The following VCPIP1 variants were observed in gnomAD, a reference collection of about 807,000 sequenced individuals.
VCPIP1 encodes valosin containing protein interacting protein 1, also known as deubiquitinating protein VCPIP1.
Under a neutral mutation model 85.0 loss-of-function variants are expected in VCPIP1, and 8 were observed. The ratio of observed to expected loss-of-function variants is 0.09; its 90% CI spans 0.06 to 0.17. VCPIP1 has a LOEUF of 0.17. VCPIP1 is among the 10% of genes least tolerant of loss of function. The pLI is 1.00. For synonymous variants in VCPIP1, 543 were observed against 544.5 expected (o/e 1.00, Z 0.04); for missense variants, 1,070 against 1,486.3 (o/e 0.72, Z 4.61).
intron 1 of VCPIP1, among the ~76,000 whole-genome samples, chr8:66,661,007 C>G (rs1216299764): frequency 6.6e-6 from 1 of 152,040 alleles, no homozygotes; most frequent in Non-Finnish European, 1.5e-5. Context: ...CGCACCACTG[C>G]ACTCCAGCCT....
chr8:66,652,117 G>A (rs1171944489), intron 1 of VCPIP1, among the ~76,000 whole-genome samples: 1 of 152,168 alleles, frequency 6.6e-6, no homozygotes, highest in Non-Finnish European at 1.5e-5. Flanking sequence ...CTTGTGCACG[G>A]GAGGTGAAGG....
intron 2 of VCPIP1, among the ~76,000 whole-genome samples, chr8:66,651,012 C>T (rs1811048358): frequency 6.6e-6 from 1 of 151,360 alleles, no homozygotes; most frequent in African/African-American, 2.4e-5. Flanking sequence ...TGGAGAAACC[C>T]CCATCTCTAC....
At position 66,664,730 on chromosome 8, in the gene VCPIP1, G is replaced by C. The variant is rs1811190346; in HGVS notation, c.2229C>G (p.Pro743=). 1 of 1,613,530 alleles carries C rather than the reference G, an allele frequency of 6.2e-7. No homozygotes were observed. Among genetic ancestry groups the C allele is most frequent in the African/African-American group, 1.3e-5 (1 of 74,858 alleles). Residue 743 remains proline (P), a synonymous_variant, in exon 1 of 3, where the codon CCC becomes CCG. Transcript: ENST00000310421. ...EKLKQEQKGQ[P]RTVSPSTIRD... Reference sequence around the variant, plus strand: ...GAATGGTACTGGGAGAAACAGTCCTGGGTTGCCCTTTTTGTTCTTGTTTTA... The same window carrying C: ...GAATGGTACTGGGAGAAACAGTCCTCGGTTGCCCTTTTTGTTCTTGTTTTA...
chr8:66,640,177 G>T (rs1301526882), intron 2 of VCPIP1, among the ~76,000 whole-genome samples: 1 of 152,134 alleles, frequency 6.6e-6, no homozygotes, highest in African/African-American at 2.4e-5. Flanking sequence ...ATTTTGGAAG[G>T]TACTTTTCTG....
intron 2 of VCPIP1, among the ~76,000 whole-genome samples, chr8:66,642,435 T>A (rs1311492059): frequency 1.3e-5 from 2 of 152,206 alleles, no homozygotes; most frequent in Non-Finnish European, 2.9e-5. Flanking sequence ...TTGCTTTTTA[T>A]TTTTTTCTCT....
chr8:66,629,973 TATTTAAGA>T lies in VCPIP1; in HGVS notation c.*4520_*4527del, dbSNP rs1355670106. 1 of 152,180 alleles carries T rather than the reference TATTTAAGA, an allele frequency of 6.6e-6. No individual in the cohort carries two copies. Among genetic ancestry groups the T allele is most frequent in the Non-Finnish European group, 1.5e-5 (1 of 68,044 alleles). 9.4% of individuals were successfully genotyped at this position (152,180 alleles called of 1,614,324 possible). A position where few individuals can be genotyped will look rare whatever the true frequency, so the allele number is the denominator to read the frequency against. ...CTTAAGTTCAACAAGAAAACTTTATTATTTAAGAATTTCTTTATAAAACTGAACTATAT... is the reference window on the plus strand; with the variant it reads ...CTTAAGTTCAACAAGAAAACTTTATTATTTCTTTATAAAACTGAACTATAT... On this transcript the variant is annotated 3_prime_UTR_variant, in exon 3 of 3. Transcript: ENST00000310421.
rs1274287272 is a variant in VCPIP1 at position 66,633,924 on chromosome 8, A to G, written c.*577T>C. The stretch of plus-strand genomic sequence containing the variant: ...ATCTTGCACAAATCAGCAAAATGTT[A>G]TATCGTTACATTCTATTCTCAAGAT... On this transcript the variant is annotated 3_prime_UTR_variant, in exon 3 of 3. Coordinates refer to ENST00000310421, the MANE Select transcript of VCPIP1 (RefSeq NM_025054.5). 2 of 152,248 alleles carry G rather than the reference A, an allele frequency of 1.3e-5. No individual in the cohort carries two copies. The highest frequency in any genetic ancestry group is 4.8e-5 in the African/African-American group (2 of 41,472). 9.4% of individuals were successfully genotyped at this position (152,248 alleles called of 1,614,324 possible).
intron 2 of VCPIP1, among the ~76,000 whole-genome samples, chr8:66,638,733 C>T (rs1554584160): frequency 6.6e-6 from 1 of 151,772 alleles, no homozygotes; most frequent in Non-Finnish European, 1.5e-5. Flanking sequence ...GAGCCGAGAT[C>T]ACGCCACTGC....
Position 66,665,123 on chromosome 8 carries a change from A to C in VCPIP1, c.1836T>G (p.Tyr612Ter). The change falls in exon 1 of 3, where the codon TAT (tyrosine) becomes TAG (stop). Residue 612 changes from tyrosine to a stop codon, truncating the protein, a stop_gained. Coordinates refer to ENST00000310421, the MANE Select transcript of VCPIP1 (RefSeq NM_025054.5). LOFTEE classifies it high-confidence loss of function. This position sits in a 1 kb window ranked among gnomAD's most constrained non-coding sequence, Gnocchi z 4.3. Reference sequence around the variant, plus strand: ...TACTATTCAAAGATGAATCACTTTCATACTGGAACCAATATACTGTTTCTC... The same window carrying C: ...TACTATTCAAAGATGAATCACTTTCCTACTGGAACCAATATACTGTTTCTC... ...VVRETVYWFQYESDSSLNSNV... is the reference protein window; with the variant it reads ...VVRETVYWFQ The C allele has an allele frequency of 6.2e-7, 1 of 1,613,094 alleles. No individual in the cohort carries two copies. Among genetic ancestry groups the C allele is most frequent in the East Asian group, 2.2e-5 (1 of 44,856 alleles).
intron 2 of VCPIP1, among the ~76,000 whole-genome samples, chr8:66,639,414 G>A (rs1012250229): frequency 2.1e-5 from 3 of 146,280 alleles, no homozygotes; most frequent in African/African-American, 7.6e-5. Context: ...GAGTGCAGTG[G>A]TGCGATCTCG....
chr8:66,643,714 T>C (rs1219584051), intron 2 of VCPIP1, among the ~76,000 whole-genome samples: 1 of 143,208 alleles, frequency 7.0e-6, no homozygotes, highest in Non-Finnish European at 1.5e-5. Flanking sequence ...AAAAGTAAAA[T>C]AAAGAAATAA....
chr8:66,647,536 C>G (rs73253909), intron 2 of VCPIP1, among the ~76,000 whole-genome samples: 12,478 of 151,970 alleles, frequency 0.082, 1,027 homozygotes, highest in African/African-American at 0.2. Context: ...AAAGGAGAGA[C>G]ATATAGATCA....
At chr8:66,661,467 G>A (rs1037674894) in intron 1 of VCPIP1, among the ~76,000 whole-genome samples, 35 of 152,074 alleles carry the variant, frequency 2.3e-4, no homozygotes, top group African/African-American at 8.0e-4. Context: ...CAGGCACAGT[G>A]ACTCACGCCT....
chr8:66,647,162 G>A (rs945984890), intron 2 of VCPIP1, among the ~76,000 whole-genome samples: 2 of 152,050 alleles, frequency 1.3e-5, no homozygotes, highest in South Asian at 4.1e-4. Flanking sequence ...CCAAGATGGT[G>A]AAACCCTGTC....
chr8:66,655,985 T>C (rs1171110856), intron 1 of VCPIP1, among the ~76,000 whole-genome samples: 1 of 152,190 alleles, frequency 6.6e-6, no homozygotes, highest in African/African-American at 2.4e-5. Context: ...TAGCTATATA[T>C]GGCAGTGGTA....
At chr8:66,637,177 T>G (rs1810895700) in intron 2 of VCPIP1, among the ~76,000 whole-genome samples, 1 of 151,712 alleles carries the variant, frequency 6.6e-6, no homozygotes, top group Non-Finnish European at 1.5e-5. Flanking sequence ...GGTAAGACCC[T>G]GGTCTCTACA....
Position 66,666,422 on chromosome 8 carries a change from G to A in VCPIP1, c.537C>T (p.Gly179=), listed in dbSNP as rs571649014. The A allele has an allele frequency of 1.4e-5, 23 of 1,614,140 alleles. No individual in the cohort carries two copies. The highest frequency in any genetic ancestry group is 9.9e-5 in the South Asian group (9 of 91,084). Residue 179 remains glycine (G), a synonymous_variant, in exon 1 of 3, where the codon GGC becomes GGT. Coordinates refer to ENST00000310421, the MANE Select transcript of VCPIP1 (RefSeq NM_025054.5). This position sits in a 1 kb window ranked among gnomAD's most constrained non-coding sequence, Gnocchi z 6.3. ...LIEPEHVNTV[G]YGKDRSGSLL... ...GGCTTCCGGAGCGGTCCTTGCCATAGCCCACAGTGTTAACATGCTCTGGTT... is the reference window on the plus strand; with the variant it reads ...GGCTTCCGGAGCGGTCCTTGCCATAACCCACAGTGTTAACATGCTCTGGTT...
intron 2 of VCPIP1, among the ~76,000 whole-genome samples, chr8:66,641,507 GAGCTACTGTGCAT>G (rs2130153462): frequency 6.6e-6 from 1 of 152,224 alleles, no homozygotes; most frequent in Non-Finnish European, 1.5e-5. Context: ...TTACAGGCAT[GAGCTACTGTGCAT>G]AGCCAGTTTT....
At chr8:66,662,190 T>C (rs1437117875) in intron 1 of VCPIP1, among the ~76,000 whole-genome samples, 1 of 152,178 alleles carries the variant, frequency 6.6e-6, no homozygotes, top group East Asian at 1.9e-4. Flanking sequence ...ACATCAAAAC[T>C]TGTTATCAGG....
Sources: gnomAD v4.1 joint callset for allele counts (sites outside exome capture counted in the v4.1 genomes callset) on GRCh38, gnomAD v4.1.1 for gene constraint, Gnocchi (gnomAD v3.1) non-coding constraint, MANE v1.5 for transcripts, NCBI Gene and HGNC (gene_info 2026-07-23, HGNC 2026-07-21) for gene names.